The following RIMS1 variants were observed in gnomAD, a reference collection of about 807,000 sequenced individuals.
RIMS1 encodes the protein regulating synaptic membrane exocytosis protein 1.
A neutral mutation model predicts 214.1 loss-of-function variants in RIMS1; 83 were observed. That is an observed-to-expected ratio of 0.39 (90% CI 0.32 to 0.47). The LOEUF is 0.47. Ranked by LOEUF, RIMS1 falls within the 20% of genes least tolerant of loss-of-function variation. The pLI is 0.99. For synonymous variants in RIMS1, 793 were observed against 786.8 expected (o/e 1.01, Z -0.13); for missense variants, 2,050 against 2,161.8 (o/e 0.95, Z 1.03).
intron 19 of RIMS1, chr6:72,262,754 A>G: frequency 1.3e-6 from 1 of 741,752 alleles, no homozygotes; most frequent in Non-Finnish European, 1.6e-6. Flanking sequence ...TAAACTATGG[A>G]CACTTATTAT....
intron 4 of RIMS1, among the ~76,000 whole-genome samples, chr6:72,131,190 G>C (rs1251880960): frequency 6.6e-6 from 1 of 152,142 alleles, no homozygotes; most frequent in Non-Finnish European, 1.5e-5. Flanking sequence ...CATTAAGAGA[G>C]TTAGAACTCT....
chr6:71,982,169 T>C (rs1798668377), intron 2 of RIMS1, among the ~76,000 whole-genome samples: 1 of 152,156 alleles, frequency 6.6e-6, no homozygotes, highest in Non-Finnish European at 1.5e-5. Flanking sequence ...CAGGGAGCCA[T>C]TTCCACCATC....
intron 2 of RIMS1, among the ~76,000 whole-genome samples, chr6:71,983,902 G>T (rs9360518): frequency 0.039 from 5,991 of 152,140 alleles, 250 homozygotes; most frequent in East Asian, 0.16. Flanking sequence ...ACGTATTTTG[G>T]TTTGCTGTTG....
At chr6:71,967,795 C>T (rs1033201167) in intron 1 of RIMS1, among the ~76,000 whole-genome samples, 3 of 152,160 alleles carry the variant, frequency 2.0e-5, no homozygotes, top group African/African-American at 4.8e-5. Flanking sequence ...ATATTGATTT[C>T]GGCATCTTAC....
chr6:72,316,867 G>C (rs184454311), intron 28 of RIMS1: 2 of 1,019,014 alleles, frequency 2.0e-6, no homozygotes, highest in Admixed American at 3.5e-5. Flanking sequence ...GAGGTGGGCA[G>C]CTGCCCCCAG....
chr6:72,368,514 T>A (rs1713213849), intron 29 of RIMS1, among the ~76,000 whole-genome samples: 1 of 151,768 alleles, frequency 6.6e-6, no homozygotes, highest in South Asian at 2.1e-4. Context: ...CAGGATGGTC[T>A]CGATCTCCTG....
intron 1 of RIMS1, among the ~76,000 whole-genome samples, chr6:71,925,028 A>G (rs1781197752): frequency 6.6e-6 from 1 of 152,134 alleles, no homozygotes; most frequent in Admixed American, 6.6e-5. Flanking sequence ...TAGGTGGTGA[A>G]TGAGCACTCA....
intron 28 of RIMS1, among the ~76,000 whole-genome samples, chr6:72,323,992 A>G (rs1384246454): frequency 1.3e-5 from 2 of 151,608 alleles, no homozygotes; most frequent in African/African-American, 2.4e-5. Context: ...ACCCAGAAAT[A>G]TCTTTCAGGA....
intron 4 of RIMS1, among the ~76,000 whole-genome samples, chr6:72,165,091 A>G (rs565562612): frequency 3.9e-5 from 6 of 152,228 alleles, no homozygotes; most frequent in African/African-American, 1.4e-4. Context: ...AATTATACAT[A>G]TATTAAATAT....
At chr6:71,890,570 T>TTA in intron 1 of RIMS1, among the ~76,000 whole-genome samples, 1 of 81,516 alleles carries the variant, frequency 1.2e-5, no homozygotes, top group African/African-American at 5.6e-5. Context: ...CTCCTTTTTG[T>TTA]AAAAAAAAAA....
At chr6:72,136,984 G>T (rs1196433951) in intron 4 of RIMS1, among the ~76,000 whole-genome samples, 1 of 151,896 alleles carries the variant, frequency 6.6e-6, no homozygotes, top group Non-Finnish European at 1.5e-5. Flanking sequence ...ACATAGTCTT[G>T]GATGTTTTAG....
At chr6:72,054,385 A>G (rs1825576295) in intron 2 of RIMS1, among the ~76,000 whole-genome samples, 1 of 152,170 alleles carries the variant, frequency 6.6e-6, no homozygotes, top group African/African-American at 2.4e-5. Flanking sequence ...TGCAATAAAC[A>G]TATGTGTGCA....
chr6:72,313,794 C>A, intron 28 of RIMS1, 122 bp downstream of exon 28: 1 of 964,942 alleles, frequency 1.0e-6, no homozygotes, highest in Non-Finnish European at 1.5e-6. Flanking sequence ...TATTTATCGA[C>A]TACTATGTAG....
At chr6:72,294,617 C>G in intron 26 of RIMS1, among the ~76,000 whole-genome samples, 1 of 151,516 alleles carries the variant, frequency 6.6e-6, no homozygotes, top group East Asian at 1.9e-4. Flanking sequence ...GGAATGTATG[C>G]CAGGACAATT....
chr6:72,182,955 T>G lies in RIMS1; in HGVS notation c.1484T>G (p.Met495Arg), dbSNP rs890202515. ...GCCAAGCGCGAGAAGGTGGAGACCATGCTGCGGAACGACTCTTTGAGCTCA... is the reference window on the plus strand; with the variant it reads ...GCCAAGCGCGAGAAGGTGGAGACCAGGCTGCGGAACGACTCTTTGAGCTCA... Reference protein sequence around the residue: ...RKAKREKVETMLRNDSLSSDQ... With the variant: ...RKAKREKVETRLRNDSLSSDQ... Residue 495 changes from methionine (M) to arginine (R), a missense_variant, in exon 6 of 34, where the codon ATG (methionine) becomes AGG (arginine). Transcript: ENST00000521978. 1 of 1,592,526 alleles carries G rather than the reference T, an allele frequency of 6.3e-7. No individual in the cohort carries two copies. Among genetic ancestry groups the G allele is most frequent in the Non-Finnish European group, 8.5e-7 (1 of 1,170,692 alleles).
chr6:72,039,841 G>A (rs1243706583), intron 2 of RIMS1, among the ~76,000 whole-genome samples: 1 of 151,440 alleles, frequency 6.6e-6, no homozygotes, highest in Non-Finnish European at 1.5e-5. Context: ...ATGATTCAAA[G>A]CATTCACTGT....
Position 72,237,806 on chromosome 6 carries a change from A to C in RIMS1, c.1858-17A>C. The C allele has an allele frequency of 6.3e-7, 1 of 1,583,236 alleles. No homozygotes were observed. Among genetic ancestry groups the C allele is most frequent in the African/African-American group, 1.3e-5 (1 of 74,450 alleles). The stretch of plus-strand genomic sequence containing the variant: ...TTAGTATGAGTCTTGGAAACTTATA[A>C]ATTTGTAATTATCCAGGTTGTTGGA... On this transcript the variant is annotated splice_polypyrimidine_tract_variant and intron_variant, in intron 8 of 33. Coordinates refer to ENST00000521978, the MANE Select transcript of RIMS1 (RefSeq NM_014989.7).
At chr6:72,178,806 T>C (rs985663832) in intron 4 of RIMS1, among the ~76,000 whole-genome samples, 1 of 152,204 alleles carries the variant, frequency 6.6e-6, no homozygotes, top group Non-Finnish European at 1.5e-5. Context: ...AGAACAGACA[T>C]ATAGTTTATT....
At chr6:72,023,343 T>G (rs1815312117) in intron 2 of RIMS1, among the ~76,000 whole-genome samples, 1 of 152,170 alleles carries the variant, frequency 6.6e-6, no homozygotes, top group South Asian at 2.1e-4. Context: ...CTAATGTAAT[T>G]GAAGTTTTTA....
Sources: gnomAD v4.1 joint callset for allele counts (sites outside exome capture counted in the v4.1 genomes callset) on GRCh38, gnomAD v4.1.1 for gene constraint, MANE v1.5 for transcripts, NCBI Gene and HGNC (gene_info 2026-07-23, HGNC 2026-07-21) for gene names.